Variants in SNX24 observed in about 807,000 individuals in gnomAD.
SNX24 encodes the protein sorting nexin 24.
Under a neutral mutation model 28.7 loss-of-function variants are expected in SNX24, and 22 were observed. The ratio of observed to expected loss-of-function variants is 0.77; its 90% CI spans 0.55 to 1.10. The LOEUF (loss-of-function observed/expected upper bound fraction) is 1.10, where lower values mean the gene tolerates loss of function less well. SNX24 is among the 50% of genes least tolerant of loss of function. SNX24 has a pLI of 0.00. For missense variants in SNX24, 221 were observed against 201.1 expected, an observed-to-expected ratio of 1.10 and a Z score of -0.60; for synonymous variants, 69 against 71.5, an observed-to-expected ratio of 0.96 and a Z score of 0.18.
At chr5:122,873,348 A>G (rs1017256611) in intron 1 of SNX24, among the ~76,000 whole-genome samples, 3 of 152,134 alleles carry the variant, frequency 2.0e-5, no homozygotes, top group Non-Finnish European at 2.9e-5. Context: ...GAAAAATTCT[A>G]TGAAGCTGAT....
At chr5:123,013,718 C>T (rs895533886), downstream of SNX24, among the ~76,000 whole-genome samples, 3 of 152,160 alleles carry the variant, frequency 2.0e-5, no homozygotes, top group South Asian at 6.2e-4. Flanking sequence ...TTACACTTAA[C>T]AGTAGTTACA....
At chr5:123,021,314 T>TAATA (rs1418029471) in intron 5 of SNX24, among the ~76,000 whole-genome samples, 1 of 152,124 alleles carries the variant, frequency 6.6e-6, no homozygotes, top group East Asian at 1.9e-4. Flanking sequence ...ACAATATTGA[T>TAATA]AATATTTATC....
chr5:122,981,759 C>T (rs747322855), intron 3 of SNX24, among the ~76,000 whole-genome samples: 1 of 152,196 alleles, frequency 6.6e-6, no homozygotes, highest in Non-Finnish European at 1.5e-5. Flanking sequence ...CTCACTGCAA[C>T]CTCTGCCTCC....
intron 3 of SNX24, among the ~76,000 whole-genome samples, chr5:122,974,770 C>T (rs1368082769): frequency 6.6e-6 from 1 of 152,220 alleles, no homozygotes; most frequent in Non-Finnish European, 1.5e-5. Context: ...TCTGTAATCC[C>T]TCCAGGGATG....
intron 1 of SNX24, among the ~76,000 whole-genome samples, chr5:122,859,302 TC>T (rs1326552935): frequency 6.6e-6 from 1 of 151,948 alleles, no homozygotes; most frequent in Admixed American, 6.6e-5. Flanking sequence ...GAGATCCTGT[TC>T]CCCCAACAAA....
exon 6 of SNX24, chr5:123,029,266 A>G: frequency 6.2e-7 from 1 of 1,613,926 alleles, no homozygotes; most frequent in Non-Finnish European, 8.5e-7. Flanking sequence ...GCTTCAAAGA[A>G]AGAAGACCCA....
intron 5 of SNX24, among the ~76,000 whole-genome samples, chr5:123,024,675 G>A (rs1255056296): frequency 6.6e-6 from 1 of 152,170 alleles, no homozygotes; most frequent in African/African-American, 2.4e-5. Context: ...ACAGCATTGA[G>A]GCTACTAGCT....
At chr5:122,920,078 G>C (rs2126937) in intron 1 of SNX24, among the ~76,000 whole-genome samples, 2 of 152,208 alleles carry the variant, frequency 1.3e-5, no homozygotes, top group Non-Finnish European at 2.9e-5. Flanking sequence ...AGAAAATTCA[G>C]GTAGATTGTC....
intron 1 of SNX24, among the ~76,000 whole-genome samples, chr5:122,855,556 G>T: frequency 6.6e-6 from 1 of 152,302 alleles, no homozygotes; most frequent in Non-Finnish European, 1.5e-5. Context: ...CAAGGCAGGA[G>T]GATTGCTTGA....
At chr5:122,904,824 A>G (rs1444832469) in intron 1 of SNX24, among the ~76,000 whole-genome samples, 1 of 152,142 alleles carries the variant, frequency 6.6e-6, no homozygotes, top group Non-Finnish European at 1.5e-5. Flanking sequence ...CTTAAACTCC[A>G]TGGAGTTTAA....
chr5:122,930,023 C>T (rs964492256), intron 1 of SNX24, among the ~76,000 whole-genome samples: 3 of 152,202 alleles, frequency 2.0e-5, no homozygotes, highest in African/African-American at 7.2e-5. Flanking sequence ...AAAGCTCACA[C>T]ACTATCAAAC....
chr5:122,985,351 A>C (rs1761555946), intron 3 of SNX24, among the ~76,000 whole-genome samples: 1 of 152,182 alleles, frequency 6.6e-6, no homozygotes, highest in Non-Finnish European at 1.5e-5. Context: ...GGAGCACTTC[A>C]GGGAGAGTTC....
At position 123,008,499 on chromosome 5, in the gene SNX24, GTTTC is replaced by G. The variant is rs1762488673; in HGVS notation, c.*754_*757del. 6.5e-6 allele frequency: 1 copy of G among 154,530 alleles called. No homozygotes were observed. Among genetic ancestry groups the G allele is most frequent in the Non-Finnish European group, 1.3e-5 (1 of 75,314 alleles). 9.6% of individuals were successfully genotyped at this position (154,530 alleles called of 1,614,324 possible). On this transcript the variant is annotated 3_prime_UTR_variant, in exon 7 of 7. Transcript: ENST00000261369. ...TCCTCCTATGTTGGAAAAAAAGACT[GTTTC>G]TTTGTTTGAAGACCAAGTGAAGTTG... is the stretch of plus-strand genomic sequence containing the variant.
chr5:122,932,555 C>G (rs1296234268), intron 1 of SNX24, among the ~76,000 whole-genome samples: 1 of 152,168 alleles, frequency 6.6e-6, no homozygotes, highest in Non-Finnish European at 1.5e-5. Context: ...CCCATACATA[C>G]TTGTCAAAAT....
chr5:122,962,954 C>T (rs184231184), intron 3 of SNX24, among the ~76,000 whole-genome samples: 2 of 152,266 alleles, frequency 1.3e-5, no homozygotes, highest in Non-Finnish European at 2.9e-5. Flanking sequence ...TTCCTCTAGG[C>T]TGGGCATGGT....
At chr5:122,951,005 C>T (rs1759913148) in intron 3 of SNX24, among the ~76,000 whole-genome samples, 2 of 152,198 alleles carry the variant, frequency 1.3e-5, no homozygotes, top group East Asian at 1.9e-4. Flanking sequence ...TGGTGGCTCA[C>T]GCCTGTAATC....
chr5:122,867,567 G>T (rs1755776928), intron 1 of SNX24, among the ~76,000 whole-genome samples: 1 of 152,164 alleles, frequency 6.6e-6, no homozygotes, highest in South Asian at 2.1e-4. Flanking sequence ...TTGGTGAGTG[G>T]AAGTCCATAT....
rs1561730481 is a variant in SNX24 at position 123,007,678 on chromosome 5, T to A, written c.443-4T>A. 6.3e-7 allele frequency: 1 copy of A among 1,577,120 alleles called. No individual in the cohort carries two copies. Among genetic ancestry groups the A allele is most frequent in the Admixed American group, 2.0e-5 (1 of 49,222 alleles). ...TTTTTTCTTTTTTTTTTTCTTTTTT[T>A]CAGATTTTCCAAATGTGGTTATTGA... On this transcript the variant is annotated splice_polypyrimidine_tract_variant and splice_region_variant and intron_variant, in intron 6 of 6. Transcript: ENST00000261369.
chr5:122,907,250 C>G (rs1394246450), intron 1 of SNX24, among the ~76,000 whole-genome samples: 1 of 152,060 alleles, frequency 6.6e-6, no homozygotes, highest in Non-Finnish European at 1.5e-5. Context: ...ATACTGGCTT[C>G]TCATATCTAT....
Sources: allele counts gnomAD v4.1 joint callset (sites outside exome capture counted in the v4.1 genomes callset), GRCh38; gene constraint gnomAD v4.1.1; transcripts MANE v1.5; gene names NCBI Gene and HGNC (gene_info 2026-07-23, HGNC 2026-07-21).